Variants in ZMIZ1 observed in about 807,000 individuals in gnomAD.
ZMIZ1 encodes the protein zinc finger MIZ-type containing 1.
Under a neutral mutation model 113.9 loss-of-function variants are expected in ZMIZ1, and 17 were observed. The ratio of observed to expected loss-of-function variants is 0.15; its 90% CI spans 0.10 to 0.22. ZMIZ1 has a LOEUF of 0.22. ZMIZ1 is among the 10% of genes least tolerant of loss of function. ZMIZ1 has a pLI of 1.00. For synonymous variants in ZMIZ1, 607 were observed against 603.1 expected (o/e 1.01, Z -0.09); for missense variants, 1,059 against 1,477.8 (o/e 0.72, Z 4.65).
At chr10:79,145,785 C>T (rs10824722) in intron 3 of ZMIZ1, among the ~76,000 whole-genome samples, 27,842 of 152,194 alleles carry the variant, frequency 0.18, 2,984 homozygotes, top group Non-Finnish European at 0.24. Flanking sequence ...TGGCTCACTG[C>T]AGCCTTGACC....
intron 4 of ZMIZ1, among the ~76,000 whole-genome samples, chr10:79,183,614 G>C (rs1847225648): frequency 1.3e-5 from 2 of 152,170 alleles, no homozygotes; most frequent in Admixed American, 1.3e-4. Context: ...AAGTCTGCCT[G>C]GTTGGGTTCA....
intron 3 of ZMIZ1, among the ~76,000 whole-genome samples, chr10:79,155,813 C>T (rs1219859474): frequency 3.3e-5 from 5 of 152,382 alleles, no homozygotes; most frequent in South Asian, 4.1e-4. Flanking sequence ...AAGCTCTTCT[C>T]CCTAAAAGCC....
intron 1 of ZMIZ1, among the ~76,000 whole-genome samples, chr10:79,077,481 G>C (rs1452937717): frequency 6.6e-6 from 1 of 150,668 alleles, no homozygotes; most frequent in Non-Finnish European, 1.5e-5. Context: ...GGGGGGTTCT[G>C]TGGTCTGGGT....
chr10:79,260,787 G>T (rs1851217018), intron 7 of ZMIZ1, among the ~76,000 whole-genome samples: 1 of 152,226 alleles, frequency 6.6e-6, no homozygotes, highest in African/African-American at 2.4e-5. Context: ...TAGTACTTAT[G>T]TAAATGAAAA....
intron 6 of ZMIZ1, among the ~76,000 whole-genome samples, chr10:79,211,763 A>G (rs1297789534): frequency 1.3e-5 from 2 of 152,148 alleles, no homozygotes; most frequent in African/African-American, 4.8e-5. Context: ...CCACTTCCTC[A>G]TCAGAAGCAG....
chr10:79,218,338 G>A (rs897110904), intron 7 of ZMIZ1, among the ~76,000 whole-genome samples: 2 of 152,062 alleles, frequency 1.3e-5, no homozygotes, highest in African/African-American at 4.8e-5. Flanking sequence ...AGCTGGGTGC[G>A]GTGGTGCACG....
intron 7 of ZMIZ1, among the ~76,000 whole-genome samples, chr10:79,255,495 C>T (rs1386461929): frequency 6.6e-6 from 1 of 152,170 alleles, no homozygotes; most frequent in Non-Finnish European, 1.5e-5. Flanking sequence ...GTCTGGGCAC[C>T]TCTGTGTATA....
chr10:79,096,021 A>G (rs1843155198), intron 1 of ZMIZ1, among the ~76,000 whole-genome samples: 1 of 152,126 alleles, frequency 6.6e-6, no homozygotes, highest in African/African-American at 2.4e-5. Flanking sequence ...AGAACTTAGG[A>G]CAGTTACATG....
At chr10:79,127,964 T>G (rs7921002) in intron 2 of ZMIZ1, among the ~76,000 whole-genome samples, 41,791 of 152,172 alleles carry the variant, frequency 0.27, 7,286 homozygotes, top group African/African-American at 0.46. Context: ...CCCCCTCAGC[T>G]ACCTTTTTCC....
intron 7 of ZMIZ1, among the ~76,000 whole-genome samples, chr10:79,272,952 C>T (rs535988124): frequency 1.3e-5 from 2 of 152,258 alleles, no homozygotes; most frequent in East Asian, 3.9e-4. Context: ...GGCACCAGCC[C>T]CTGGACAGGC....
chr10:79,244,585 T>C (rs1850080810), intron 7 of ZMIZ1, among the ~76,000 whole-genome samples: 1 of 152,186 alleles, frequency 6.6e-6, no homozygotes, highest in Non-Finnish European at 1.5e-5. Flanking sequence ...GGGGACCCAG[T>C]CCCTTCGCCC....
rs1304977248 is a variant in ZMIZ1 at position 79,279,376 on chromosome 10, G to A, written c.425+2051G>A. Among the ~76,000 whole-genome samples the A allele has an allele frequency of 3.9e-5, 6 of 151,944 alleles. No homozygotes were observed. In the East Asian group the frequency reaches 1.2e-3, roughly 29 times the overall value. Reference sequence around the variant, plus strand: ...TTCACATCTCAGACGGGGTGGCGGGGCAGAGGCGCTCCCCACATCCCAGAC... The same window carrying A: ...TTCACATCTCAGACGGGGTGGCGGGACAGAGGCGCTCCCCACATCCCAGAC... On this transcript the variant is annotated intron_variant, in intron 8 of 24. Transcript: ENST00000334512.
At chr10:79,260,178 A>G (rs540844977) in intron 7 of ZMIZ1, among the ~76,000 whole-genome samples, 7 of 152,314 alleles carry the variant, frequency 4.6e-5, no homozygotes. Context: ...CCTGCCTTCC[A>G]TCAGTGTTAA....
intron 19 of ZMIZ1, among the ~76,000 whole-genome samples, chr10:79,304,913 G>C (rs758833589): frequency 2.6e-5 from 4 of 152,174 alleles, no homozygotes; most frequent in Admixed American, 2.0e-4. Flanking sequence ...AACCAGGAAG[G>C]CTTCTCAGAG....
chr10:79,307,376 C>A, intron 22 of ZMIZ1, 29 bp from the exon 23 acceptor site: 1 of 1,579,018 alleles, frequency 6.3e-7, no homozygotes, highest in East Asian at 2.3e-5. Flanking sequence ...TGGGTGACCC[C>A]CTCCCCTCCC....
At chr10:79,084,667 C>T (rs1016440010) in intron 1 of ZMIZ1, among the ~76,000 whole-genome samples, 4 of 152,192 alleles carry the variant, frequency 2.6e-5, no homozygotes, top group Non-Finnish European at 5.9e-5. Flanking sequence ...CCAATCCTGC[C>T]GTATGAACAC....
intron 5 of ZMIZ1, among the ~76,000 whole-genome samples, chr10:79,202,126 G>C (rs1443713726): frequency 1.1e-4 from 13 of 122,754 alleles, no homozygotes; most frequent in Non-Finnish European, 3.2e-5. Flanking sequence ...CCAGAACTTT[G>C]AGAGGCCAAG....
chr10:79,245,689 C>G (rs542832549), intron 7 of ZMIZ1, among the ~76,000 whole-genome samples: 1 of 152,130 alleles, frequency 6.6e-6, no homozygotes, highest in Non-Finnish European at 1.5e-5. Flanking sequence ...AAGTCCTGCC[C>G]GGGGCTTCCT....
chr10:79,206,091 G>C (rs1266226499), intron 5 of ZMIZ1, among the ~76,000 whole-genome samples: 1 of 148,768 alleles, frequency 6.7e-6, no homozygotes, highest in Non-Finnish European at 1.5e-5. Context: ...CTGGGTGACA[G>C]AATGAGACCC....
Sources: allele counts gnomAD v4.1 joint callset (sites outside exome capture counted in the v4.1 genomes callset), GRCh38; gene constraint gnomAD v4.1.1; transcripts MANE v1.5; gene names NCBI Gene and HGNC (gene_info 2026-07-23, HGNC 2026-07-21).